MGMT: variants seen among roughly 807,000 people sequenced by gnomAD.
MGMT encodes the protein methylated-DNA--protein-cysteine methyltransferase.
A neutral mutation model predicts 15.9 loss-of-function variants in MGMT; 14 were observed. That is an observed-to-expected ratio of 0.88 (90% CI 0.58 to 1.37). The LOEUF is 1.37. Ranked by LOEUF, MGMT falls within the 40% of genes most tolerant of loss-of-function variation. The pLI, the probability that MGMT is intolerant of heterozygous loss-of-function variation, is 0.00. For synonymous variants in MGMT, 130 were observed against 118.2 expected (o/e 1.10, Z -0.65); for missense variants, 282 against 268.1 (o/e 1.05, Z -0.36).
intron 1 of MGMT, among the ~76,000 whole-genome samples, chr10:129,494,512 A>G (rs1465867844): frequency 1.3e-5 from 2 of 152,192 alleles, no homozygotes; most frequent in Admixed American, 6.5e-5. Flanking sequence ...ATGTGCAATG[A>G]CAGGATTGGC....
At position 129,520,937 on chromosome 10, in the gene MGMT, A is replaced by C. The variant is rs568299574; in HGVS notation, c.-12-15304A>C. Among the ~76,000 whole-genome samples, 38 of 151,746 alleles carry C rather than the reference A, an allele frequency of 2.5e-4. 1 individual carries two copies. The highest frequency in any genetic ancestry group is 8.7e-4 in the African/African-American group (36 of 41,344). On this transcript the variant is annotated intron_variant, in intron 1 of 4. Transcript: ENST00000651593. ...CAGAACCCCTACGGTGCGGGTACAC[A>C]GCCCCTAAGGTGTGCCTACAGAGCC...
At position 129,483,191 on chromosome 10, in the gene MGMT, A is replaced by G. The variant is rs145611316; in HGVS notation, c.-13+15895A>G. Among the ~76,000 whole-genome samples the G allele has an allele frequency of 6.1e-3, 926 of 152,332 alleles. 5 individuals carry two copies. Among genetic ancestry groups the G allele is most frequent in the Non-Finnish European group, 9.3e-3 (631 of 68,010 alleles). On this transcript the variant is annotated intron_variant, in intron 1 of 4. Transcript: ENST00000651593. The stretch of plus-strand genomic sequence containing the variant: ...GCAGAATAAGCACCTTAACAAAAGT[A>G]TGCTTCAATTTCTCTCATCCCATTT...
chr10:129,678,798 A>G (rs1386441635), intron 2 of MGMT, among the ~76,000 whole-genome samples: 1 of 152,130 alleles, frequency 6.6e-6, no homozygotes, highest in Non-Finnish European at 1.5e-5. Flanking sequence ...AGAGCCGGGC[A>G]TGGTGGCTCA....
chr10:129,761,377 C>A (rs1274851507), intron 4 of MGMT, among the ~76,000 whole-genome samples: 2 of 152,210 alleles, frequency 1.3e-5, no homozygotes, highest in Non-Finnish European at 2.9e-5. Context: ...TGCAGCTCCC[C>A]TTTTGCTGTA....
rs1331055202 is a variant in MGMT, at chr10:129,720,873, C to G, written c.274+12830C>G. On this transcript the variant is annotated intron_variant, in intron 3 of 4. Coordinates refer to ENST00000651593, the MANE Select transcript of MGMT (RefSeq NM_002412.5). ...GCCTTCCCTGCCCCTACTGAGAGCT[C>G]AGGGCATGGACCCCAAACGCTTGGG... 1.3e-5 allele frequency among the ~76,000 whole-genome samples: 2 copies of G among 151,750 alleles called. 1 individual carries two copies. The highest frequency in any genetic ancestry group is 3.9e-4 in the East Asian group (2 of 5,176).
chr10:129,622,918 G>C (rs1169407908), intron 2 of MGMT, among the ~76,000 whole-genome samples: 1 of 152,176 alleles, frequency 6.6e-6, no homozygotes, highest in East Asian at 1.9e-4. Flanking sequence ...GCCCCGTTTC[G>C]TTGGCTGGCA....
At chr10:129,667,224 T>C (rs74160260) in intron 2 of MGMT, among the ~76,000 whole-genome samples, 2,679 of 152,266 alleles carry the variant, frequency 0.018, 81 homozygotes, top group African/African-American at 0.061. Context: ...CTGCTGCTGC[T>C]CCCAGAAGTA....
At chr10:129,647,316 G>A (rs181952088) in intron 2 of MGMT, among the ~76,000 whole-genome samples, 26 of 152,234 alleles carry the variant, frequency 1.7e-4, no homozygotes, top group Non-Finnish European at 3.4e-4. Context: ...CGACGCTCAA[G>A]TGTGTAGTTT....
intron 2 of MGMT, among the ~76,000 whole-genome samples, chr10:129,670,814 C>T (rs1180141175): frequency 6.6e-6 from 1 of 152,174 alleles, no homozygotes; most frequent in Admixed American, 6.5e-5. Flanking sequence ...AACTTAGTTG[C>T]TGTGGTGCCT....
intron 1 of MGMT, among the ~76,000 whole-genome samples, chr10:129,529,806 C>CAT (rs56744339): frequency 0.49 from 74,804 of 151,828 alleles, 19,778 homozygotes; most frequent in East Asian, 0.93. Context: ...AACAGTGTAA[C>CAT]ATTAGCTTTT....
intron 2 of MGMT, among the ~76,000 whole-genome samples, chr10:129,613,322 G>A (rs555545): frequency 0.45 from 67,926 of 152,112 alleles, 16,282 homozygotes; most frequent in East Asian, 0.63. Context: ...AAGCAAAGAC[G>A]GGAAGCGTCC....
At chr10:129,741,211 G>A (rs1255851284) in intron 3 of MGMT, among the ~76,000 whole-genome samples, 1 of 152,202 alleles carries the variant, frequency 6.6e-6, no homozygotes. Context: ...GGACCCAGGT[G>A]AGTTGAGTCC....
chr10:129,687,918 G>T (rs190180295), intron 2 of MGMT, among the ~76,000 whole-genome samples: 1 of 151,224 alleles, frequency 6.6e-6, no homozygotes, highest in Non-Finnish European at 1.5e-5. Context: ...TCATTGTTCA[G>T]TTCCCACCTA....
chr10:129,706,047 G>A (rs979863958), intron 2 of MGMT, among the ~76,000 whole-genome samples: 1 of 152,190 alleles, frequency 6.6e-6, no homozygotes, highest in Non-Finnish European at 1.5e-5. Context: ...CCTGCGTCAG[G>A]GCAGCTGCGG....
intron 2 of MGMT, among the ~76,000 whole-genome samples, chr10:129,611,034 TTATG>T (rs1265611699): frequency 6.6e-6 from 1 of 152,218 alleles, no homozygotes; most frequent in Non-Finnish European, 1.5e-5. Flanking sequence ...ATTTCAGCCT[TTATG>T]TATGTTCTAT....
chr10:129,746,238 CAAAAAAAAA>C (rs57022839), intron 3 of MGMT, among the ~76,000 whole-genome samples: 1 of 104,882 alleles, frequency 9.5e-6, no homozygotes, highest in African/African-American at 3.5e-5. Context: ...GACTCTGTCT[CAAAAAAAAA>C]AAAAAAAACA....
At chr10:129,760,218 G>A (rs1328163108) in intron 4 of MGMT, among the ~76,000 whole-genome samples, 1 of 152,252 alleles carries the variant, frequency 6.6e-6, no homozygotes, top group Non-Finnish European at 1.5e-5. Flanking sequence ...GTCACAGCAT[G>A]CCATGTGCGC....
chr10:129,609,386 G>C (rs913509911), intron 2 of MGMT, among the ~76,000 whole-genome samples: 2 of 148,462 alleles, frequency 1.3e-5, no homozygotes, highest in Non-Finnish European at 3.0e-5. Context: ...GGATGATAGA[G>C]GTGGAATCTC....
At chr10:129,736,968 C>T (rs1373439801) in intron 3 of MGMT, among the ~76,000 whole-genome samples, 1 of 152,214 alleles carries the variant, frequency 6.6e-6, no homozygotes, top group Non-Finnish European at 1.5e-5. Flanking sequence ...GGTAACCCGA[C>T]CTTTCTCTCT....
Sources: gnomAD v4.1 joint callset for allele counts (sites outside exome capture counted in the v4.1 genomes callset) on GRCh38, gnomAD v4.1.1 for gene constraint, MANE v1.5 for transcripts, NCBI Gene and HGNC (gene_info 2026-07-23, HGNC 2026-07-21) for gene names.